Variants in HIPK2 observed in about 807,000 individuals in gnomAD.
The protein encoded by HIPK2 is homeodomain-interacting protein kinase 2.
Under a neutral mutation model 113.7 loss-of-function variants are expected in HIPK2, and 27 were observed. That is an observed-to-expected ratio of 0.24 (90% confidence interval 0.17 to 0.33). The LOEUF (loss-of-function observed/expected upper bound fraction) is 0.33, where lower values mean the gene tolerates loss of function less well. Ranked by LOEUF, HIPK2 falls within the 10% of genes least tolerant of loss-of-function variation. The pLI is 1.00. For missense variants in HIPK2, 1,257 were observed against 1,588.0 expected (o/e 0.79, Z 3.54); for synonymous variants, 631 against 642.2 (o/e 0.98, Z 0.26).
chr7:139,650,351 A>C (rs1187733890), intron 2 of HIPK2, among the ~76,000 whole-genome samples: 1 of 13,516 alleles, frequency 7.4e-5, no homozygotes, highest in African/African-American at 2.5e-4. Context: ...CTCCATCTCA[A>C]AAAAAAAAAA....
At chr7:139,643,653 C>G (rs964849798) in intron 2 of HIPK2, among the ~76,000 whole-genome samples, 5 of 152,102 alleles carry the variant, frequency 3.3e-5, no homozygotes, top group Admixed American at 6.5e-5. Context: ...GAAGAAAGTA[C>G]AGCCAGGGAC....
chr7:139,773,234 G>A (rs1483920157), intron 1 of HIPK2, among the ~76,000 whole-genome samples: 3 of 152,210 alleles, frequency 2.0e-5, no homozygotes, highest in Non-Finnish European at 4.4e-5. Flanking sequence ...TATGGCCTAA[G>A]TCACAGTGAT....
Position 139,716,143 on chromosome 7 carries a change from G to A in HIPK2, c.892C>T (p.Leu298Phe). 1 of 1,614,040 alleles carries A rather than the reference G, an allele frequency of 6.2e-7. No individual in the cohort carries two copies. Among genetic ancestry groups the A allele is most frequent in the Non-Finnish European group, 8.5e-7 (1 of 1,179,912 alleles). ...TGGAGAACTGGGCGAATGTATTTGAGGGGCAAGGGGCTAAACTTGTTTTGC... is the reference window on the plus strand; with the variant it reads ...TGGAGAACTGGGCGAATGTATTTGAAGGGCAAGGGGCTAAACTTGTTTTGC... ...LKQNKFSPLP[L>F]KYIRPVLQQV... The change falls in exon 2 of 15, where the codon CTC (leucine) becomes TTC (phenylalanine). Residue 298 changes from leucine (L) to phenylalanine (F), a missense_variant. Around this residue, in one of 5 missense-constraint regions of HIPK2, gnomAD observed 24 missense variants for 18.1 expected, o/e 1.33. Transcript: ENST00000406875. This position sits in a 1 kb window ranked among gnomAD's most constrained non-coding sequence, Gnocchi z 9.3.
chr7:139,607,738 G>C (rs1278689636), intron 9 of HIPK2, among the ~76,000 whole-genome samples: 8 of 152,060 alleles, frequency 5.3e-5, no homozygotes. Flanking sequence ...GGGAGGAATA[G>C]GAGAAAAGAG....
chr7:139,763,623 C>T (rs774506035), intron 1 of HIPK2, among the ~76,000 whole-genome samples: 6 of 152,150 alleles, frequency 3.9e-5, no homozygotes, highest in Non-Finnish European at 7.3e-5. Flanking sequence ...AAAAAGTTTG[C>T]CAACCCCCAG....
At chr7:139,713,907 C>T (rs1364816747) in intron 2 of HIPK2, among the ~76,000 whole-genome samples, 4 of 152,198 alleles carry the variant, frequency 2.6e-5, no homozygotes, top group East Asian at 1.9e-4. Flanking sequence ...TATGTGCTGT[C>T]GGTACCGGGC....
Position 139,569,248 on chromosome 7 carries a change from G to GGAA in HIPK2, c.*3676_*3678dup, listed in dbSNP as rs1798185688. 6.6e-6 allele frequency: 1 copy of GGAA among 152,222 alleles called. No individual in the cohort carries two copies. The highest frequency in any genetic ancestry group is 2.4e-5 in the African/African-American group (1 of 41,426). 9.4% of individuals were successfully genotyped at this position (152,222 alleles called of 1,614,324 possible). A position where few individuals can be genotyped will look rare whatever the true frequency, so the allele number is the denominator to read the frequency against. The stretch of plus-strand genomic sequence containing the variant: ...TGGGTGGTGTGGTGAAATTTCCTGG[G>GGAA]GAAGGTACCACCTGCCAGTCACTCT... On this transcript the variant is annotated 3_prime_UTR_variant, in exon 15 of 15. Transcript: ENST00000406875.
At chr7:139,761,074 G>T (rs189722749) in intron 1 of HIPK2, among the ~76,000 whole-genome samples, 1 of 152,296 alleles carries the variant, frequency 6.6e-6, no homozygotes, top group Non-Finnish European at 1.5e-5. Flanking sequence ...GTGTTACTAC[G>T]TGAAGTGGTT....
chr7:139,572,816 T>C lies in HIPK2; in HGVS notation c.*111A>G. On this transcript the variant is annotated 3_prime_UTR_variant, in exon 15 of 15. Coordinates refer to ENST00000406875, the MANE Select transcript of HIPK2 (RefSeq NM_022740.5). ...CCGTTTGCATTGTTTGTGTGCGGCA[T>C]CTTCAGTATAAAAGGCCAGCGCCCA... is the stretch of plus-strand genomic sequence containing the variant. The C allele has an allele frequency of 3.5e-6, 1 of 283,592 alleles. No homozygotes were observed. The highest frequency in any genetic ancestry group is 5.9e-6 in the Non-Finnish European group (1 of 170,352). The allele number at this position is 283,592 out of a possible 1,614,324, so 17.6% of individuals were successfully genotyped here.
At chr7:139,675,087 T>G (rs944995056) in intron 2 of HIPK2, among the ~76,000 whole-genome samples, 3 of 152,228 alleles carry the variant, frequency 2.0e-5, no homozygotes, top group Non-Finnish European at 4.4e-5. Context: ...TTTAATTGCT[T>G]GATCCAATAG....
In HIPK2 at chr7:139,712,128, C is replaced by A. The variant is rs912177690; in HGVS notation, c.1103+3804G>T. ...GCTGACAGTTAATGACATAACTGAC[C>A]TTCGAATTGGAAGGGAATACCCCTG... is the stretch of plus-strand genomic sequence containing the variant. On this transcript the variant is annotated intron_variant, in intron 2 of 14. Transcript: ENST00000406875. Among the ~76,000 whole-genome samples the A allele has an allele frequency of 2.0e-5, 3 of 152,176 alleles. No individual in the cohort carries two copies. The East Asian group carries it at 5.8e-4, about 29-fold the overall frequency.
At chr7:139,731,966 AG>A (rs1387138452) in intron 1 of HIPK2, among the ~76,000 whole-genome samples, 2 of 152,310 alleles carry the variant, frequency 1.3e-5, no homozygotes, top group African/African-American at 2.4e-5. Context: ...AGGGAAGAGC[AG>A]GAAGAAACGA....
At chr7:139,574,197 CACA>C (rs1157119415) in intron 14 of HIPK2, among the ~76,000 whole-genome samples, 1 of 152,130 alleles carries the variant, frequency 6.6e-6, no homozygotes, top group African/African-American at 2.4e-5. Context: ...TATTGGCTCT[CACA>C]ACATCTCTAC....
In HIPK2 at chr7:139,568,158, G is replaced by A. The variant is rs1798150441; in HGVS notation, c.*4769C>T. 1 of 152,266 alleles carries A rather than the reference G, an allele frequency of 6.6e-6. No homozygotes were observed. Among genetic ancestry groups the A allele is most frequent in the East Asian group, 1.9e-4 (1 of 5,200 alleles). 9.4% of individuals were successfully genotyped at this position (152,266 alleles called of 1,614,324 possible). On this transcript the variant is annotated 3_prime_UTR_variant, in exon 15 of 15. Transcript: ENST00000406875. ...GCTAATCTCCCCTTCCCTTCCTGAT[G>A]TCCATCCGTCTCACACGTTGGTGTC...
chr7:139,716,565 T>G lies in HIPK2; in HGVS notation c.470A>C (p.Asn157Thr). 6.2e-7 allele frequency: 1 copy of G among 1,613,986 alleles called. No individual in the cohort carries two copies. ...AGTGGCGACAGTGGCCCCGCTTGCATTATTCTGAATCATGGGTGGATGCTC... is the reference window on the plus strand; with the variant it reads ...AGTGGCGACAGTGGCCCCGCTTGCAGTATTCTGAATCATGGGTGGATGCTC... ...IEEHPPMIQN[N>T]ASGATVATAT... Residue 157 changes from asparagine (N) to threonine (T), a missense_variant, in exon 2 of 15, where the codon AAT (asparagine) becomes ACT (threonine). By Grantham distance (65) the Asn-to-Thr change is moderately conservative (BLOSUM62 0). Transcript: ENST00000406875. This position sits in a 1 kb window ranked among gnomAD's most constrained non-coding sequence, Gnocchi z 9.3.
intron 7 of HIPK2, among the ~76,000 whole-genome samples, chr7:139,619,872 C>T (rs571416209): frequency 6.6e-6 from 1 of 152,282 alleles, no homozygotes; most frequent in South Asian, 2.1e-4. Flanking sequence ...GCACTTCTCT[C>T]ACCTCTGCCT....
At chr7:139,681,781 C>T (rs1802708903) in intron 2 of HIPK2, among the ~76,000 whole-genome samples, 1 of 152,180 alleles carries the variant, frequency 6.6e-6, no homozygotes, top group South Asian at 2.1e-4. Flanking sequence ...ATGCACCAAG[C>T]CCTGGGTCCA....
At chr7:139,607,714 A>C (rs1230373208) in intron 9 of HIPK2, among the ~76,000 whole-genome samples, 1 of 152,174 alleles carries the variant, frequency 6.6e-6, no homozygotes, top group Non-Finnish European at 1.5e-5. Context: ...AAAGTAGTTG[A>C]ATCAAAATTA....
chr7:139,713,149 G>C (rs1413212890), intron 2 of HIPK2, among the ~76,000 whole-genome samples: 1 of 152,156 alleles, frequency 6.6e-6, no homozygotes, highest in African/African-American at 2.4e-5. Flanking sequence ...AGATGTGACT[G>C]TGCCTGTCAC....
Sources: allele counts gnomAD v4.1 joint callset (sites outside exome capture counted in the v4.1 genomes callset), GRCh38; gene constraint gnomAD v4.1.1; regional missense constraint gnomAD v4.1.1; non-coding constraint Gnocchi (gnomAD v3.1); transcripts MANE v1.5; gene names NCBI Gene and HGNC (gene_info 2026-07-23, HGNC 2026-07-21).